MGAM: variants seen among roughly 807,000 people sequenced by gnomAD.
The protein encoded by MGAM is alpha-1,4-glucosidase.
Under a neutral mutation model 358.8 loss-of-function variants are expected in MGAM, and 253 were observed. The observed-to-expected ratio is 0.71, with a 90% CI of 0.64 to 0.78. The LOEUF (loss-of-function observed/expected upper bound fraction) is 0.78. Ranked by LOEUF, MGAM falls within the 30% of genes least tolerant of loss-of-function variation. MGAM has a pLI of 0.00. For synonymous variants in MGAM, 1,105 were observed against 1,227.1 expected, an observed-to-expected ratio of 0.90 and a Z score of 2.08; for missense variants, 3,080 against 3,432.6, an observed-to-expected ratio of 0.90 and a Z score of 2.57.
At chr7:142,027,530 G>A in intron 9 of MGAM, 80 bp from the exon 10 acceptor site, 1 of 1,449,268 alleles carries the variant, frequency 6.9e-7, no homozygotes, top group Non-Finnish European at 9.5e-7. Flanking sequence ...ACTATGTTTG[G>A]TGCTCTGAAA....
chr7:142,001,877 C>T (rs1804767672), intron 1 of MGAM, among the ~76,000 whole-genome samples: 1 of 152,120 alleles, frequency 6.6e-6, no homozygotes, highest in Admixed American at 6.5e-5. Flanking sequence ...GAGACCTGTG[C>T]TTTATGACTT....
At chr7:142,082,623 A>G (rs1398404076) in intron 52 of MGAM, 52 bp downstream of exon 52, 2 of 1,324,822 alleles carry the variant, frequency 1.5e-6, no homozygotes, top group Non-Finnish European at 2.1e-6. Context: ...GTCATGCCTG[A>G]GTCAGTTTAG....
chr7:142,055,514 T>C (rs1351497162), intron 27 of MGAM, 44 bp from the exon 28 acceptor site: 3 of 1,612,164 alleles, frequency 1.9e-6, no homozygotes, highest in South Asian at 2.2e-5. Flanking sequence ...GAAACAGAGA[T>C]AAAAGCTCAT....
At chr7:142,044,317 A>C (rs1434607584) in intron 21 of MGAM, among the ~76,000 whole-genome samples, 1 of 140,306 alleles carries the variant, frequency 7.1e-6, no homozygotes, top group East Asian at 2.0e-4. Flanking sequence ...TAATATACAC[A>C]TACGATATAT....
At position 142,021,069 on chromosome 7, in the gene MGAM, C is replaced by G; in HGVS notation, c.544C>G (p.Arg182Gly). 6.2e-7 allele frequency: 1 copy of G among 1,604,444 alleles called. No homozygotes were observed. Among genetic ancestry groups the G allele is most frequent in the Non-Finnish European group, 8.5e-7 (1 of 1,175,150 alleles). ...CACAGCAGAATATCAGACATCTAAT[C>G]GTTTCCACTTTAAGGTTGTAATTTG... is the stretch of plus-strand genomic sequence containing the variant. ...LLTAEYQTSN[R>G]FHFKLTDQTN... Residue 182 changes from arginine to glycine, a missense_variant, in exon 5 of 71, where the codon CGT (arginine) becomes GGT (glycine). Coordinates refer to ENST00000475668, the MANE Select transcript of MGAM (RefSeq NM_001365693.1).
Position 142,062,844 on chromosome 7 carries a change from G to C in MGAM, c.4257+142G>C, listed in dbSNP as rs553658253. On this transcript the variant is annotated intron_variant, in intron 35 of 70. Transcript: ENST00000475668. ...CATAGCAGACACTTCTTCCTCTCAG[G>C]AGAGGAACTGCCCTGGTAGCCCTCA... is the stretch of plus-strand genomic sequence containing the variant. The C allele has an allele frequency of 4.3e-4, 602 of 1,413,602 alleles. 1 individual carries two copies. Among genetic ancestry groups the C allele is most frequent in the Non-Finnish European group, 5.5e-4 (580 of 1,058,410 alleles). The allele number at this position is 1,413,602 out of a possible 1,614,324, so 87.6% of individuals were successfully genotyped here. A position where few individuals can be genotyped will look rare whatever the true frequency, so the allele number is the denominator to read the frequency against.
At chr7:141,987,764 G>A (rs1322348522) in intron 2 of MGAM, among the ~76,000 whole-genome samples, 1 of 150,356 alleles carries the variant, frequency 6.7e-6, no homozygotes, top group South Asian at 2.1e-4. Flanking sequence ...TTGAATGAAT[G>A]AACAAACATT....
chr7:142,034,494 C>G, intron 15 of MGAM, 115 bp downstream of exon 15: 1 of 994,512 alleles, frequency 1.0e-6, no homozygotes, highest in Non-Finnish European at 1.5e-6. Flanking sequence ...CAAAACAAAG[C>G]AAAACAAAAC....
At chr7:142,080,214 C>T (rs1276602937) in intron 49 of MGAM, among the ~76,000 whole-genome samples, 2 of 146,374 alleles carry the variant, frequency 1.4e-5, no homozygotes, top group Admixed American at 1.4e-4. Context: ...ATAGCTCTCC[C>T]TTAGCACACA....
At chr7:142,013,937 A>G (rs1455071353) in intron 3 of MGAM, among the ~76,000 whole-genome samples, 2 of 152,130 alleles carry the variant, frequency 1.3e-5, no homozygotes, top group African/African-American at 4.8e-5. Context: ...AGAAATTCTG[A>G]TTTAATTCTT....
chr7:142,014,116 G>A (rs1805795604), intron 3 of MGAM, among the ~76,000 whole-genome samples: 1 of 152,202 alleles, frequency 6.6e-6, no homozygotes, highest in Admixed American at 6.5e-5. Context: ...AGTGAAGGAG[G>A]ATAAGGCCTG....
intron 40 of MGAM, among the ~76,000 whole-genome samples, chr7:142,066,320 T>A (rs756390318): frequency 6.8e-6 from 1 of 146,000 alleles, no homozygotes; most frequent in Non-Finnish European, 1.6e-5. Flanking sequence ...AGATTATTAT[T>A]TTTTTCCTGT....
chr7:142,075,637 T>C (rs1339145410), intron 45 of MGAM, among the ~76,000 whole-genome samples: 2 of 146,368 alleles, frequency 1.4e-5, no homozygotes, highest in Non-Finnish European at 1.5e-5. Flanking sequence ...CCTGAACAGA[T>C]GTTTTTCCAA....
chr7:142,027,005 T>C, intron 8 of MGAM, 110 bp from the exon 9 acceptor site: 1 of 802,632 alleles, frequency 1.2e-6, no homozygotes, highest in East Asian at 2.5e-5. Context: ...GGCACTAGGG[T>C]CACCTTGTTA....
At chr7:141,992,444 C>A (rs1422046002), upstream of MGAM, among the ~76,000 whole-genome samples, 5 of 152,128 alleles carry the variant, frequency 3.3e-5, no homozygotes, top group African/African-American at 9.7e-5. Flanking sequence ...TTTTAAAGTT[C>A]TTTAAGGGCG....
chr7:142,100,432 A>C (rs1816338129), intron 67 of MGAM, among the ~76,000 whole-genome samples: 1 of 152,214 alleles, frequency 6.6e-6, no homozygotes, highest in Non-Finnish European at 1.5e-5. Flanking sequence ...ATAAAAATGA[A>C]GAACTTAGGA....
chr7:142,062,604 C>T lies in MGAM; in HGVS notation c.4159C>T (p.Arg1387Cys), dbSNP rs753437264. Residue 1387 changes from arginine (R) to cysteine (C), a missense_variant, in exon 35 of 71, where the codon CGT (arginine) becomes TGT (cysteine). Transcript: ENST00000475668. ...TTATGTGGCCTTCCCAGACTTTTTC[C>T]GTAATTCAACTGCCAAGTGGTGGAA... Reference protein sequence around the residue: ...RAYVAFPDFFRNSTAKWWKRE... With the variant: ...RAYVAFPDFFCNSTAKWWKRE... The T allele has an allele frequency of 2.2e-5, 35 of 1,609,644 alleles. No homozygotes were observed. Among genetic ancestry groups the T allele is most frequent in the African/African-American group, 2.7e-5 (2 of 74,680 alleles).
At chr7:142,095,784 C>A (rs1815852277) in intron 64 of MGAM, 71 bp downstream of exon 64, 31 of 1,581,562 alleles carry the variant, frequency 2.0e-5, no homozygotes, top group Non-Finnish European at 1.7e-6. Flanking sequence ...CAGTTGAATT[C>A]TTCCAAATTA....
intron 70 of MGAM, among the ~76,000 whole-genome samples, chr7:142,103,858 ATT>A (rs111391825): frequency 1.0e-4 from 15 of 143,132 alleles, no homozygotes; most frequent in African/African-American, 2.3e-4. Context: ...TTATCACTCA[ATT>A]TTTTTTTTTT....
Sources: allele counts gnomAD v4.1 joint callset (sites outside exome capture counted in the v4.1 genomes callset), GRCh38; gene constraint gnomAD v4.1.1; transcripts MANE v1.5; gene names NCBI Gene and HGNC (gene_info 2026-07-23, HGNC 2026-07-21).